VIM: variants seen among roughly 807,000 people sequenced by gnomAD.
VIM encodes the protein vimentin.
A neutral mutation model predicts 50.3 loss-of-function variants in VIM; 18 were observed. The observed-to-expected ratio is 0.36, with a 90% CI of 0.25 to 0.53. The LOEUF is 0.53. Among genes scored for constraint, VIM ranks in the 20% least tolerant of loss-of-function variants. The pLI is 0.91. For synonymous variants in VIM, 245 were observed against 248.5 expected, an observed-to-expected ratio of 0.99 and a Z score of 0.13; for missense variants, 551 against 614.7, an observed-to-expected ratio of 0.90 and a Z score of 1.10.
Position 17,237,317 on chromosome 10 carries a change from A to T in VIM, c.*46A>T, listed in dbSNP as rs750627825. On this transcript the variant is annotated 3_prime_UTR_variant, in exon 10 of 10. Transcript: ENST00000544301. ...AGCAATATATTACCAGCAAGAATAA[A>T]AAAGAAATCCATATCTTAAAGAAAC... is the stretch of plus-strand genomic sequence containing the variant. 1.9e-6 allele frequency: 3 copies of T among 1,576,898 alleles called. No individual in the cohort carries two copies. The Admixed American group carries it at 5.2e-5, about 27-fold the overall frequency.
At chr10:17,232,444 G>A (rs2131681640) in intron 3 of VIM, among the ~76,000 whole-genome samples, 1 of 152,318 alleles carries the variant, frequency 6.6e-6, no homozygotes, top group Non-Finnish European at 1.5e-5. Flanking sequence ...AAGGACGGCT[G>A]AATCAGCAAA....
In VIM at chr10:17,233,619, C is replaced by T; in HGVS notation, c.657C>T (p.Asp219=). The change falls in exon 4 of 10, where the codon GAC becomes GAT. Residue 219 remains aspartate, a synonymous_variant. Transcript: ENST00000544301. ...ACAATGCGTCTCTGGCACGTCTTGA[C>T]CTTGAACGCAAAGTGGAATCTTTGC... ...DVDNASLARL[D]LERKVESLQE... 1 of 1,614,174 alleles carries T rather than the reference C, an allele frequency of 6.2e-7. No individual in the cohort carries two copies. The highest frequency in any genetic ancestry group is 8.5e-7 in the Non-Finnish European group (1 of 1,180,036).
In VIM at chr10:17,237,236, A is replaced by G. The variant is rs779935723; in HGVS notation, c.1366A>G (p.Asn456Asp). 4 of 1,604,698 alleles carry G rather than the reference A, an allele frequency of 2.5e-6. No individual in the cohort carries two copies. The African/African-American group carries it at 4.0e-5, about 16-fold the overall frequency. The change falls in exon 10 of 10, where the codon AAC becomes GAC. Residue 456 changes from asparagine to aspartate, a missense_variant. This residue lies in a region of VIM where 394 missense variants were observed against 437.5 expected (regional missense o/e 0.90). Coordinates refer to ENST00000544301, the MANE Select transcript of VIM (RefSeq NM_003380.5). ...GGTTTTTTTTTTTAAACAGGTTATC[A>G]ACGAAACTTCTCAGCATCACGATGA... Reference protein sequence around the residue: ...TVETRDGQVINETSQHHDDLE With the variant: ...TVETRDGQVIDETSQHHDDLE
chr10:17,229,782 G>A lies in VIM; in HGVS notation c.360G>A (p.Lys120=). 1.3e-6 allele frequency: 2 copies of A among 1,592,812 alleles called. No homozygotes were observed. The highest frequency in any genetic ancestry group is 1.7e-4 in the Middle Eastern group (1 of 6,040). ...ACCGCTTCGCCAACTACATCGACAA[G>A]GTGCGCTTCCTGGAGCAGCAGAATA... ...LNDRFANYID[K]VRFLEQQNKI... The change falls in exon 2 of 10, where the codon AAG becomes AAA. Residue 120 remains lysine, a synonymous_variant. Transcript: ENST00000544301.
At position 17,236,396 on chromosome 10, in the gene VIM, G is replaced by GA. The variant is rs767683882; in HGVS notation, c.1359+23dup. The GA allele has an allele frequency of 5.1e-6, 8 of 1,564,422 alleles. No individual in the cohort carries two copies. The highest frequency in any genetic ancestry group is 3.3e-5 in the South Asian group (3 of 90,062). On this transcript the variant is annotated intron_variant, in intron 9 of 9. Transcript: ENST00000544301. ...GATGGACAGGTTGGTATCTTTTAAG[G>GA]AAAAAATAGGGTAATCTCAGACAGG...
At position 17,233,452 on chromosome 10, in the gene VIM, C is replaced by A; in HGVS notation, c.625-135C>A. 6 of 797,498 alleles carry A rather than the reference C, an allele frequency of 7.5e-6. No individual in the cohort carries two copies. The South Asian group carries it at 8.9e-5, about 12-fold the overall frequency. The allele number at this position is 797,498 out of a possible 1,614,324, so 49.4% of individuals were successfully genotyped here. A position where few individuals can be genotyped will look rare whatever the true frequency, so the allele number is the denominator to read the frequency against. ...CACTGAATGATTTATAAACCTATTC[C>A]AGGGTCATAAAATGTGTCAACGGCT... On this transcript the variant is annotated intron_variant, in intron 3 of 9. Coordinates refer to ENST00000544301, the MANE Select transcript of VIM (RefSeq NM_003380.5).
chr10:17,236,502 T>G, intron 9 of VIM, 123 bp downstream of exon 9: 1 of 834,342 alleles, frequency 1.2e-6, no homozygotes, highest in East Asian at 2.5e-5. Context: ...CATTCATGCC[T>G]ACTAAAAAAA....
chr10:17,230,179 G>C (rs952765623), intron 2 of VIM, 194 bp downstream of exon 2: 2 of 672,666 alleles, frequency 3.0e-6, no homozygotes, highest in East Asian at 2.7e-5. Flanking sequence ...CTTGCAGTTC[G>C]CATTTCCTCC....
In VIM at chr10:17,235,190, A is replaced by G; in HGVS notation, c.1030A>G (p.Met344Val). 1.2e-6 allele frequency: 2 copies of G among 1,614,242 alleles called. No individual in the cohort carries two copies. Among genetic ancestry groups the G allele is most frequent in the Non-Finnish European group, 1.7e-6 (2 of 1,180,044 alleles). ...KGTNESLERQ[M>V]REMEENFAVE... ...GCAGAATGAGTCCCTGGAACGCCAG[A>G]TGCGTGAAATGGAAGAGAACTTTGC... The change falls in exon 7 of 10, where the codon ATG becomes GTG. Residue 344 changes from methionine to valine, a missense_variant. Met to Val is a conservative substitution (Grantham distance 21). Around this residue, in one of 3 missense-constraint regions of VIM, gnomAD observed 394 missense variants for 437.5 expected, o/e 0.90. Transcript: ENST00000544301.
intron 3 of VIM, among the ~76,000 whole-genome samples, chr10:17,232,132 G>A (rs557246010): frequency 1.3e-5 from 2 of 152,254 alleles, no homozygotes; most frequent in South Asian, 4.1e-4. Context: ...CAATGTGATA[G>A]AATACCACAT....
In VIM at chr10:17,233,407, G is replaced by A. The variant is rs1330865553; in HGVS notation, c.625-180G>A. 17 of 622,658 alleles carry A rather than the reference G, an allele frequency of 2.7e-5. No homozygotes were observed. The East Asian group carries it at 4.8e-4, about 18-fold the overall frequency. The allele number at this position is 622,658 out of a possible 1,614,324, so 38.6% of individuals were successfully genotyped here. On this transcript the variant is annotated intron_variant, in intron 3 of 9. Coordinates refer to ENST00000544301, the MANE Select transcript of VIM (RefSeq NM_003380.5). Reference sequence around the variant, plus strand: ...AATTAAAATATATTAGTGAGCAGGAGAAAGCACAGCATATTATAGCACTGA... The same window carrying A: ...AATTAAAATATATTAGTGAGCAGGAAAAAGCACAGCATATTATAGCACTGA...
In VIM at chr10:17,229,774, A is replaced by G; in HGVS notation, c.352A>G (p.Ile118Val). The G allele has an allele frequency of 1.3e-6, 2 of 1,591,074 alleles. No individual in the cohort carries two copies. Among genetic ancestry groups the G allele is most frequent in the Non-Finnish European group, 1.7e-6 (2 of 1,168,356 alleles). ...GCTGAATGACCGCTTCGCCAACTAC[A>G]TCGACAAGGTGCGCTTCCTGGAGCA... ...QELNDRFANY[I>V]DKVRFLEQQN... Residue 118 changes from isoleucine (I) to valine (V), a missense_variant, in exon 2 of 10, where the codon ATC (isoleucine) becomes GTC (valine). Physicochemically the swap from Ile to Val is conservative, Grantham distance 29 (BLOSUM62 3). Around this residue, in one of 3 missense-constraint regions of VIM, gnomAD observed 23 missense variants for 50.9 expected, o/e 0.45. Transcript: ENST00000544301.
chr10:17,231,393 A>G (rs575153099), intron 3 of VIM, among the ~76,000 whole-genome samples: 40 of 152,304 alleles, frequency 2.6e-4, no homozygotes, highest in African/African-American at 8.9e-4. Context: ...GCTAAGGGGT[A>G]TTAATGGTTT....
intron 3 of VIM, 37 bp downstream of exon 3, chr10:17,230,747 C>T (rs774557052): frequency 3.1e-6 from 5 of 1,612,144 alleles, no homozygotes; most frequent in African/African-American, 1.3e-5. Context: ...GCCGCCTGAC[C>T]CCACCCAACA....
chr10:17,229,188 G>A, intron 1 of VIM, 88 bp from the exon 2 acceptor site: 2 of 274,962 alleles, frequency 7.3e-6, no homozygotes, highest in South Asian at 2.5e-5. Context: ...GTCCCTATTG[G>A]CTGGCGCGCT....
At chr10:17,235,787 T>C (rs369369457) in intron 7 of VIM, 59 bp from the exon 8 acceptor site, 3 of 1,503,322 alleles carry the variant, frequency 2.0e-6, no homozygotes, top group Middle Eastern at 1.7e-4. Flanking sequence ...TGTTAATTTG[T>C]TCCCAGTGGT....
At chr10:17,234,098 T>A in intron 5 of VIM, 167 bp downstream of exon 5, 1 of 721,364 alleles carries the variant, frequency 1.4e-6, no homozygotes. Flanking sequence ...TCACATCACC[T>A]CCTTTATTTA....
chr10:17,230,576 G>T lies in VIM; in HGVS notation c.564-74G>T, dbSNP rs575653525. The T allele has an allele frequency of 9.9e-6, 15 of 1,517,492 alleles. No homozygotes were observed. In the Admixed American group the frequency reaches 1.0e-4, roughly 10 times the overall value. The allele number at this position is 1,517,492 out of a possible 1,614,324, so 94.0% of individuals were successfully genotyped here. The stretch of plus-strand genomic sequence containing the variant: ...TGCTCTGGAGGCGCAGAGCGAATAC[G>T]TGGTGTTTGGGTGTGGCCGCCCCGC... On this transcript the variant is annotated intron_variant, in intron 2 of 9. Transcript: ENST00000544301.
At position 17,229,309 on chromosome 10, in the gene VIM, C is replaced by T; in HGVS notation, c.-114C>T. The stretch of plus-strand genomic sequence containing the variant: ...CACTCTCGCTCCGAGGTCCCCGCGC[C>T]AGAGACGCAGCCGCGCTCCCACCAC... On this transcript the variant is annotated 5_prime_UTR_variant, in exon 2 of 10. Coordinates refer to ENST00000544301, the MANE Select transcript of VIM (RefSeq NM_003380.5). 1 of 1,148,436 alleles carries T rather than the reference C, an allele frequency of 8.7e-7. No individual in the cohort carries two copies. The highest frequency in any genetic ancestry group is 1.2e-6 in the Non-Finnish European group (1 of 805,888). 71.1% of individuals were successfully genotyped at this position (1,148,436 alleles called of 1,614,324 possible).
Sources: allele counts gnomAD v4.1 joint callset (sites outside exome capture counted in the v4.1 genomes callset), GRCh38; gene constraint gnomAD v4.1.1; regional missense constraint gnomAD v4.1.1; transcripts MANE v1.5; gene names NCBI Gene and HGNC (gene_info 2026-07-23, HGNC 2026-07-21).